The following RFXANK variants were observed in gnomAD, a reference collection of about 807,000 sequenced individuals.
RFXANK encodes the protein regulatory factor X associated ankyrin containing protein, also known as DNA-binding protein RFXANK.
Under a neutral mutation model 34.5 loss-of-function variants are expected in RFXANK, and 19 were observed. The ratio of observed to expected loss-of-function variants is 0.55; its 90% CI spans 0.38 to 0.81. The LOEUF (loss-of-function observed/expected upper bound fraction) is 0.81. Among genes scored for constraint, RFXANK ranks in the 30% least tolerant of loss-of-function variants. The probability of loss-of-function intolerance (pLI) is 0.00; values close to 1 mark genes in which losing one functional copy is unlikely to be tolerated. For synonymous variants in RFXANK, 154 were observed against 149.8 expected, an observed-to-expected ratio of 1.03 and a Z score of -0.20; for missense variants, 295 against 343.5, an observed-to-expected ratio of 0.86 and a Z score of 1.12.
At chr19:19,198,636 T>C in intron 7 of RFXANK, 21 bp from the exon 8 acceptor site, 1 of 1,612,404 alleles carries the variant, frequency 6.2e-7, no homozygotes, top group South Asian at 1.1e-5. Flanking sequence ...CTTTGGTTTC[T>C]CCTGCCCCTA....
intron 9 of RFXANK, among the ~76,000 whole-genome samples, chr19:19,200,479 T>G (rs757821709): frequency 3.1e-4 from 47 of 151,648 alleles, no homozygotes; most frequent in Non-Finnish European, 5.5e-4. Context: ...CCTGGCTGTG[T>G]TGTTGTTTTT....
rs770375951 is a variant in RFXANK, at chr19:19,192,310, G to A, written c.-394G>A. ...AGACGCAGGGAAGGAGGCACACCCG[G>A]GGGTGGCGCAGTGAGGAGGGGGCGC... On this transcript the variant is annotated 5_prime_UTR_variant, in exon 1 of 10. Coordinates refer to ENST00000303088, the MANE Select transcript of RFXANK (RefSeq NM_003721.4). 9 of 712,398 alleles carry A rather than the reference G, an allele frequency of 1.3e-5. No homozygotes were observed. The highest frequency in any genetic ancestry group is 2.0e-5 in the Non-Finnish European group (9 of 439,060). 44.1% of individuals were successfully genotyped at this position (712,398 alleles called of 1,614,324 possible).
chr19:19,198,790 G>A, intron 8 of RFXANK, 67 bp downstream of exon 8: 1 of 1,495,276 alleles, frequency 6.7e-7, no homozygotes, highest in Non-Finnish European at 9.3e-7. Flanking sequence ...GAATCCTGAG[G>A]GCAGGGAGAC....
chr19:19,197,003 G>T lies in RFXANK; in HGVS notation c.228G>T (p.Arg76=), dbSNP rs2146483573. The change falls in exon 4 of 10, where the codon CGG becomes CGT. Residue 76 remains arginine (R), a synonymous_variant. Coordinates refer to ENST00000303088, the MANE Select transcript of RFXANK (RefSeq NM_003721.4). ...AGCACTCCACCACTCTCACCAACCG[G>T]CAGCGAGGGAACGAGGTGTCAGCTC... ...SLKHSTTLTN[R]QRGNEVSALP... is the part of the protein sequence containing the mutation. 1 of 1,613,334 alleles carries T rather than the reference G, an allele frequency of 6.2e-7. No individual in the cohort carries two copies. The highest frequency in any genetic ancestry group is 8.5e-7 in the Non-Finnish European group (1 of 1,180,026).
chr19:19,196,582 T>C (rs2060602776), intron 3 of RFXANK, among the ~76,000 whole-genome samples: 1 of 139,522 alleles, frequency 7.2e-6, no homozygotes, highest in Non-Finnish European at 1.5e-5. Context: ...AAAACCCCAA[T>C]AGCTGGGTGT....
At position 19,198,241 on chromosome 19, in the gene RFXANK, C is replaced by T. The variant is rs1599784412; in HGVS notation, c.564+9C>T. On this transcript the variant is annotated intron_variant, in intron 7 of 9. Transcript: ENST00000303088. ...TCAACATCTATGATTGGGTGAGGGACTGCCCATCCCCAGGACCTCTCAGCC... is the reference window on the plus strand; with the variant it reads ...TCAACATCTATGATTGGGTGAGGGATTGCCCATCCCCAGGACCTCTCAGCC... 6.2e-7 allele frequency: 1 copy of T among 1,614,108 alleles called. No individual in the cohort carries two copies. Among genetic ancestry groups the T allele is most frequent in the Non-Finnish European group, 8.5e-7 (1 of 1,179,998 alleles).
chr19:19,196,991 T>A lies in RFXANK; in HGVS notation c.216T>A (p.Thr72=). The A allele has an allele frequency of 6.2e-7, 1 of 1,612,962 alleles. No homozygotes were observed. The highest frequency in any genetic ancestry group is 8.5e-7 in the Non-Finnish European group (1 of 1,179,982). The stretch of plus-strand genomic sequence containing the variant: ...GCAGCTCCCTGAAGCACTCCACCAC[T>A]CTCACCAACCGGCAGCGAGGGAACG... ...QAGSSLKHST[T]LTNRQRGNEV... The change falls in exon 4 of 10, where the codon ACT becomes ACA. Residue 72 remains threonine (T), a synonymous_variant. Transcript: ENST00000303088.
chr19:19,199,327 C>T lies in RFXANK; in HGVS notation c.712+93C>T, dbSNP rs1264153627. ...ATGGGACACCCCTTCAGTGGTCATA[C>T]GCCGGCAGCGAGAGTGTGTTGACAG... On this transcript the variant is annotated intron_variant, in intron 9 of 9. Transcript: ENST00000303088. 3.5e-5 allele frequency: 42 copies of T among 1,203,160 alleles called. 1 individual carries two copies. The highest frequency in any genetic ancestry group is 1.9e-4 in the South Asian group (16 of 82,914). The allele number at this position is 1,203,160 out of a possible 1,614,324, so 74.5% of individuals were successfully genotyped here. A position where few individuals can be genotyped will look rare whatever the true frequency, so the allele number is the denominator to read the frequency against.
chr19:19,201,729 G>T lies in RFXANK; in HGVS notation c.*10G>T. On this transcript the variant is annotated 3_prime_UTR_variant, in exon 10 of 10. Transcript: ENST00000303088. ...CGCTGACCCTGAGTGAAGGCCGCCT[G>T]CCGGGGACTCAGACACTCAGGGAAC... 2 of 1,613,874 alleles carry T rather than the reference G, an allele frequency of 1.2e-6. No homozygotes were observed. Among genetic ancestry groups the T allele is most frequent in the Non-Finnish European group, 1.7e-6 (2 of 1,179,972 alleles).
chr19:19,196,969 GCTCCCTGAAGCA>G lies in RFXANK; in HGVS notation c.199_210del (p.Leu67_Ser70del). 6.2e-7 allele frequency: 1 copy of G among 1,611,968 alleles called. No homozygotes were observed. Among genetic ancestry groups the G allele is most frequent in the Non-Finnish European group, 8.5e-7 (1 of 1,179,904 alleles). ...CCTGTTGTCTGTTTCCCAGCAGGCAGCTCCCTGAAGCACTCCACCACTCTCACCAACCGGCAG... is the reference window on the plus strand; with the variant it reads ...CCTGTTGTCTGTTTCCCAGCAGGCAGCTCCACCACTCTCACCAACCGGCAG... On this transcript the variant is annotated inframe_deletion, in exon 4 of 10. Coordinates refer to ENST00000303088, the MANE Select transcript of RFXANK (RefSeq NM_003721.4).
At chr19:19,198,881 T>A in intron 8 of RFXANK, 158 bp downstream of exon 8, 2 of 824,928 alleles carry the variant, frequency 2.4e-6, no homozygotes, top group South Asian at 2.8e-5. Flanking sequence ...GGGGAGGAGG[T>A]GGTAGGACCA....
intron 3 of RFXANK, among the ~76,000 whole-genome samples, chr19:19,195,737 A>ATTTTTTT (rs61553021): frequency 9.5e-6 from 1 of 105,682 alleles, no homozygotes; most frequent in African/African-American, 3.8e-5. Context: ...CTGCTTTTAA[A>ATTTTTTT]TTTTTTTTTT....
intron 9 of RFXANK, among the ~76,000 whole-genome samples, chr19:19,199,468 G>C (rs1268903645): frequency 6.6e-6 from 1 of 152,128 alleles, no homozygotes; most frequent in East Asian, 1.9e-4. Context: ...CATGATGGGG[G>C]ACACATAGGC....
intron 7 of RFXANK, 128 bp downstream of exon 7, chr19:19,198,360 A>C (rs1226611188): frequency 2.1e-6 from 3 of 1,399,394 alleles, no homozygotes; most frequent in African/African-American, 1.4e-5. Context: ...CCCCATTCCC[A>C]GCCTCACAGA....
intron 3 of RFXANK, among the ~76,000 whole-genome samples, chr19:19,195,025 C>T (rs2146469684): frequency 6.6e-6 from 1 of 151,160 alleles, no homozygotes; most frequent in African/African-American, 2.4e-5. Flanking sequence ...CCCTCCCTCC[C>T]TTCCCGCCTC....
intron 6 of RFXANK, among the ~76,000 whole-genome samples, 198 bp downstream of exon 6, chr19:19,197,819 G>A (rs1376100603): frequency 2.0e-5 from 3 of 152,112 alleles, no homozygotes; most frequent in African/African-American, 7.2e-5. Context: ...GACCAGCCCG[G>A]CCAACATGGG....
intron 4 of RFXANK, 60 bp from the exon 5 acceptor site, chr19:19,197,126 T>A: frequency 6.2e-7 from 1 of 1,611,698 alleles, no homozygotes; most frequent in Non-Finnish European, 8.5e-7. Flanking sequence ...GGACAGAGGG[T>A]AAACTGAGGC....
chr19:19,197,484 G>T (rs201111194), intron 5 of RFXANK, 37 bp from the exon 6 acceptor site: 2 of 1,600,374 alleles, frequency 1.2e-6, no homozygotes, highest in Admixed American at 1.7e-5. Flanking sequence ...GGGGGCAGGG[G>T]TGCAGCCTGG....
rs1316803465 is a variant in RFXANK at position 19,199,028 on chromosome 19, T to G, written c.632-126T>G. On this transcript the variant is annotated intron_variant, in intron 8 of 9. Coordinates refer to ENST00000303088, the MANE Select transcript of RFXANK (RefSeq NM_003721.4). ...GGTTGGACCCTTGTCAAAGGCCACA[T>G]GGGCAACGGGCAGACCCACGGCTGC... The G allele has an allele frequency of 5.1e-6, 5 of 975,728 alleles. No homozygotes were observed. The South Asian group carries it at 6.6e-5, about 13-fold the overall frequency. 60.4% of individuals were successfully genotyped at this position (975,728 alleles called of 1,614,324 possible). A position where few individuals can be genotyped will look rare whatever the true frequency, so the allele number is the denominator to read the frequency against.
Sources: gnomAD v4.1 joint callset for allele counts (sites outside exome capture counted in the v4.1 genomes callset) on GRCh38, gnomAD v4.1.1 for gene constraint, MANE v1.5 for transcripts, NCBI Gene and HGNC (gene_info 2026-07-23, HGNC 2026-07-21) for gene names.